Variants in PRSS54 observed in about 807,000 individuals in gnomAD.
The protein encoded by PRSS54 is serine protease 54.
In PRSS54, 16 loss-of-function variants were observed where a neutral mutation model predicts 19.9. The ratio of observed to expected loss-of-function variants is 0.80; its 90% CI spans 0.54 to 1.22. PRSS54 has a LOEUF of 1.22. Ranked by LOEUF, PRSS54 falls within the 50% of genes most tolerant of loss-of-function variation. The pLI is 0.00. For synonymous variants in PRSS54, 177 were observed against 195.8 expected (o/e 0.90, Z 0.80); for missense variants, 444 against 494.8 (o/e 0.90, Z 0.97).
At chr16:58,285,880 G>A in intron 5 of PRSS54, 57 bp downstream of exon 5, 1 of 1,597,586 alleles carries the variant, frequency 6.3e-7, no homozygotes, top group South Asian at 1.1e-5. Context: ...GGATTATCCA[G>A]GTCACCCCCA....
chr16:58,282,004 A>C (rs1596894279), intron 6 of PRSS54: 1 of 118,738 alleles, frequency 8.4e-6, no homozygotes, highest in African/African-American at 3.3e-5. Flanking sequence ...CACCATGCCC[A>C]GCTAATTTTT....
intron 3 of PRSS54, among the ~76,000 whole-genome samples, chr16:58,292,474 C>G (rs956193770): frequency 6.6e-6 from 1 of 152,094 alleles, no homozygotes; most frequent in Non-Finnish European, 1.5e-5. Flanking sequence ...ATATGAGCCC[C>G]AAAAACAGTT....
intron 3 of PRSS54, among the ~76,000 whole-genome samples, chr16:58,292,333 C>T (rs1965053673): frequency 6.6e-6 from 1 of 152,048 alleles, no homozygotes; most frequent in Non-Finnish European, 1.5e-5. Context: ...ATCAGAGTGA[C>T]ATGCTGAAGA....
intron 4 of PRSS54, 123 bp from the exon 5 acceptor site, chr16:58,286,318 T>G (rs1316663087): frequency 2.0e-6 from 2 of 1,008,384 alleles, no homozygotes; most frequent in Non-Finnish European, 3.0e-6. Flanking sequence ...CCTGTGTTAA[T>G]TCTTCCTCAC....
intron 5 of PRSS54, 79 bp from the exon 6 acceptor site, chr16:58,284,800 G>C: frequency 6.6e-7 from 1 of 1,504,122 alleles, no homozygotes; most frequent in African/African-American, 1.4e-5. Context: ...CACTCATATA[G>C]CCAAACGAGA....
At position 58,280,302 on chromosome 16, in the gene PRSS54, T is replaced by C. The variant is rs895520066; in HGVS notation, c.1110A>G (p.Ala370=). 1 of 1,613,972 alleles carries C rather than the reference T, an allele frequency of 6.2e-7. No homozygotes were observed. Among genetic ancestry groups the C allele is most frequent in the African/African-American group, 1.3e-5 (1 of 74,894 alleles). ...GGEVGEGRIF[A]GQNRLYQPEE... is the part of the protein sequence containing the mutation. ...CGGGCTGATACAACCTGTTCTGACC[T>C]GCAAAAATCCTACCTTCCCCCACCT... The change falls in exon 7 of 7, where the codon GCA becomes GCG. Residue 370 remains alanine (A), a synonymous_variant. Transcript: ENST00000567164.
chr16:58,286,897 A>T (rs1438594466), intron 4 of PRSS54, among the ~76,000 whole-genome samples: 1 of 152,214 alleles, frequency 6.6e-6, no homozygotes, highest in African/African-American at 2.4e-5. Context: ...AGAAGCGAAA[A>T]GGAAAGAAAC....
At chr16:58,283,862 C>T (rs1251134488) in intron 6 of PRSS54, 1 of 151,998 alleles carries the variant, frequency 6.6e-6, no homozygotes, top group East Asian at 1.9e-4. Context: ...TATTTTTTCC[C>T]CTTGCTCTAA....
chr16:58,293,553 C>T (rs1260281377), intron 3 of PRSS54, 179 bp downstream of exon 3: 6 of 985,320 alleles, frequency 6.1e-6, no homozygotes, highest in African/African-American at 3.5e-5. Context: ...CATCCACGTC[C>T]CATGATTCAC....
At chr16:58,282,423 A>T (rs537193351) in intron 6 of PRSS54, 82 of 152,372 alleles carry the variant, frequency 5.4e-4, no homozygotes, top group African/African-American at 1.8e-3. Flanking sequence ...GGCATGAACT[A>T]CCATGCCCAG....
chr16:58,287,512 C>T (rs1326245548), intron 4 of PRSS54, among the ~76,000 whole-genome samples: 1 of 152,152 alleles, frequency 6.6e-6, no homozygotes, highest in Admixed American at 6.5e-5. Context: ...GTAAAAGCAG[C>T]CAACCAGCAG....
intron 4 of PRSS54, 74 bp from the exon 5 acceptor site, chr16:58,286,269 A>T: frequency 6.6e-7 from 1 of 1,526,614 alleles, no homozygotes. Context: ...TTTCCCATTT[A>T]AGTTTTTTCA....
At chr16:58,290,587 G>A (rs1488892862) in intron 4 of PRSS54, among the ~76,000 whole-genome samples, 2 of 152,140 alleles carry the variant, frequency 1.3e-5, no homozygotes, top group Non-Finnish European at 2.9e-5. Flanking sequence ...TGGCAGTAAC[G>A]TTTGTAAGGC....
chr16:58,284,525 AG>A, intron 6 of PRSS54, 64 bp downstream of exon 6: 1 of 1,586,964 alleles, frequency 6.3e-7, no homozygotes, highest in Non-Finnish European at 8.6e-7. Flanking sequence ...GGGAGTCCTG[AG>A]GCTCCCCTGG....
chr16:58,283,366 C>T (rs1011034223), intron 6 of PRSS54: 2 of 152,192 alleles, frequency 1.3e-5, no homozygotes, highest in Non-Finnish European at 2.9e-5. Context: ...AGGTGTGTCA[C>T]AGTTAAAAAC....
chr16:58,289,333 C>T (rs185585141), intron 4 of PRSS54, among the ~76,000 whole-genome samples: 110 of 152,304 alleles, frequency 7.2e-4, no homozygotes, highest in African/African-American at 2.5e-3. Context: ...TTTGTTATAA[C>T]AGCCTAAGTA....
intron 6 of PRSS54, 61 bp from the exon 7 acceptor site, chr16:58,280,818 C>T (rs1458268831): frequency 6.8e-7 from 1 of 1,459,870 alleles, no homozygotes; most frequent in African/African-American, 1.4e-5. Context: ...GTAAATCTAT[C>T]CTTGTGCAAT....
At chr16:58,291,797 A>G (rs935123436) in intron 3 of PRSS54, among the ~76,000 whole-genome samples, 2 of 152,228 alleles carry the variant, frequency 1.3e-5, no homozygotes, top group African/African-American at 2.4e-5. Flanking sequence ...AACTATTTTC[A>G]TAAGAATGTG....
chr16:58,285,534 C>A (rs996750790), intron 5 of PRSS54, among the ~76,000 whole-genome samples: 1 of 151,926 alleles, frequency 6.6e-6, no homozygotes, highest in Admixed American at 6.6e-5. Flanking sequence ...CCCAGGAGTT[C>A]GATACAAGCC....
Sources: gnomAD v4.1 joint callset for allele counts (sites outside exome capture counted in the v4.1 genomes callset) on GRCh38, gnomAD v4.1.1 for gene constraint, MANE v1.5 for transcripts, NCBI Gene and HGNC (gene_info 2026-07-23, HGNC 2026-07-21) for gene names.